The following MCC variants were observed in gnomAD, a reference collection of about 807,000 sequenced individuals.
MCC encodes the protein MCC regulator of Wnt signaling pathway.
MCC carries 90 observed loss-of-function variants against 116.2 expected under a neutral mutation model. The ratio of observed to expected loss-of-function variants is 0.77; its 90% CI spans 0.65 to 0.92. MCC has a LOEUF of 0.92. Among genes scored for constraint, MCC ranks in the 40% least tolerant of loss-of-function variants. The pLI is 0.00. For missense variants in MCC, 1,516 were observed against 1,312.2 expected (o/e 1.16, Z -2.40); for synonymous variants, 578 against 510.5 (o/e 1.13, Z -1.78).
chr5:113,452,744 T>C (rs997561706), intron 1 of MCC, among the ~76,000 whole-genome samples: 1 of 152,262 alleles, frequency 6.6e-6, no homozygotes, highest in African/African-American at 2.4e-5. Flanking sequence ...GATAAGCCAC[T>C]ATTCCAGTAA....
At chr5:113,465,628 T>A (rs1177184506) in intron 1 of MCC, among the ~76,000 whole-genome samples, 2 of 152,100 alleles carry the variant, frequency 1.3e-5, no homozygotes, top group African/African-American at 2.4e-5. Flanking sequence ...GACAAAAGAT[T>A]AGGATCTCTA....
chr5:113,213,895 A>G (rs1474280263), intron 3 of MCC, among the ~76,000 whole-genome samples: 3 of 152,202 alleles, frequency 2.0e-5, no homozygotes, highest in Non-Finnish European at 4.4e-5. Flanking sequence ...AGTCCTTTTC[A>G]GCACTAAAGA....
intron 1 of MCC, among the ~76,000 whole-genome samples, chr5:113,474,726 C>T (rs1259223335): frequency 6.6e-6 from 1 of 151,922 alleles, no homozygotes; most frequent in Non-Finnish European, 1.5e-5. Flanking sequence ...GCTTAGGAAA[C>T]CAAAAAGGGA....
intron 14 of MCC, among the ~76,000 whole-genome samples, chr5:113,057,334 A>G (rs1752900999): frequency 6.6e-6 from 1 of 152,128 alleles, no homozygotes; most frequent in African/African-American, 2.4e-5. Flanking sequence ...TAGGATGAGT[A>G]GAGATGCAGG....
At chr5:113,477,041 C>T (rs1335523035) in intron 1 of MCC, among the ~76,000 whole-genome samples, 1 of 152,128 alleles carries the variant, frequency 6.6e-6, no homozygotes, top group African/African-American at 2.4e-5. Context: ...GAGCAAATAA[C>T]AATAATTCTG....
At chr5:113,302,057 G>A (rs1922679) in intron 3 of MCC, among the ~76,000 whole-genome samples, 22,632 of 152,104 alleles carry the variant, frequency 0.15, 1,744 homozygotes, top group Non-Finnish European at 0.17. Context: ...TACAAGTATC[G>A]CTGCTAATAA....
chr5:113,464,318 A>G (rs1262132552), intron 1 of MCC, among the ~76,000 whole-genome samples: 1 of 151,924 alleles, frequency 6.6e-6, no homozygotes, highest in Non-Finnish European at 1.5e-5. Flanking sequence ...CTCTTCTACT[A>G]CTCTTCTTTT....
intron 1 of MCC, among the ~76,000 whole-genome samples, chr5:113,430,438 CT>C (rs1770599631): frequency 6.6e-6 from 1 of 152,128 alleles, no homozygotes; most frequent in South Asian, 2.1e-4. Context: ...TAAGATGGGC[CT>C]CTATTCTCTC....
intron 8 of MCC, among the ~76,000 whole-genome samples, chr5:113,093,455 C>A (rs1225342721): frequency 6.6e-6 from 1 of 150,424 alleles, no homozygotes; most frequent in Non-Finnish European, 1.5e-5. Context: ...TCTATCTTAT[C>A]TATCTATCTG....
intron 1 of MCC, among the ~76,000 whole-genome samples, chr5:113,463,322 T>C (rs1771798582): frequency 6.6e-6 from 1 of 152,032 alleles, no homozygotes; most frequent in Non-Finnish European, 1.5e-5. Flanking sequence ...CTAGGTACAG[T>C]GTGGAGGACT....
chr5:113,075,744 T>A (rs985088810), intron 11 of MCC, among the ~76,000 whole-genome samples: 3 of 152,190 alleles, frequency 2.0e-5, no homozygotes, highest in African/African-American at 7.2e-5. Context: ...AGCAACCCGC[T>A]CGGGTGCCCT....
intron 1 of MCC, among the ~76,000 whole-genome samples, chr5:113,484,662 T>C (rs1772465523): frequency 1.3e-5 from 2 of 152,216 alleles, no homozygotes; most frequent in Admixed American, 1.3e-4. Context: ...GGAAGCTCTC[T>C]CTAAGGCATC....
chr5:113,085,481 A>AT (rs930827160), intron 8 of MCC, among the ~76,000 whole-genome samples, 171 bp from the exon 9 acceptor site: 10 of 151,394 alleles, frequency 6.6e-5, no homozygotes, highest in Admixed American at 3.3e-4. Context: ...CGGACTAATA[A>AT]TTTTTTTTTA....
At chr5:113,350,237 C>T (rs1768235455) in intron 2 of MCC, among the ~76,000 whole-genome samples, 1 of 152,040 alleles carries the variant, frequency 6.6e-6, no homozygotes, top group Admixed American at 6.6e-5. Context: ...ACAGCCAAAG[C>T]TATCCTGAGG....
chr5:113,247,586 G>GA (rs1764625306), intron 3 of MCC, among the ~76,000 whole-genome samples: 1 of 152,168 alleles, frequency 6.6e-6, no homozygotes, highest in Non-Finnish European at 1.5e-5. Context: ...GATCACTCTG[G>GA]AAATACAGTA....
chr5:113,225,244 C>A (rs1053025475), intron 3 of MCC, among the ~76,000 whole-genome samples: 17 of 152,216 alleles, frequency 1.1e-4, no homozygotes, highest in Non-Finnish European at 2.1e-4. Flanking sequence ...TTCTGTTGAA[C>A]TAATTTTATT....
intron 12 of MCC, among the ~76,000 whole-genome samples, chr5:113,070,705 C>G (rs949375508): frequency 6.6e-6 from 1 of 152,010 alleles, no homozygotes; most frequent in African/African-American, 2.4e-5. Flanking sequence ...TACAGCCATT[C>G]AGAATAGAGA....
At chr5:113,078,170 A>G (rs565798485) in intron 11 of MCC, among the ~76,000 whole-genome samples, 2 of 152,348 alleles carry the variant, frequency 1.3e-5, no homozygotes, top group African/African-American at 4.8e-5. Flanking sequence ...TTAATAGCCT[A>G]TCAACCAAAA....
chr5:113,101,289 C>A (rs181461628), intron 8 of MCC, among the ~76,000 whole-genome samples: 13 of 151,564 alleles, frequency 8.6e-5, no homozygotes, highest in African/African-American at 2.4e-4. Flanking sequence ...CCAGGAGAGA[C>A]GACATTCTAT....
Sources: allele counts gnomAD v4.1 joint callset (sites outside exome capture counted in the v4.1 genomes callset), GRCh38; gene constraint gnomAD v4.1.1; transcripts MANE v1.5; gene names NCBI Gene and HGNC (gene_info 2026-07-23, HGNC 2026-07-21).